PCDHA10: variants seen among roughly 807,000 people sequenced by gnomAD.
PCDHA10 encodes the protein protocadherin alpha-10.
Under a neutral mutation model 61.2 loss-of-function variants are expected in PCDHA10, and 45 were observed. That is an observed-to-expected ratio of 0.74 (90% CI 0.58 to 0.94). The LOEUF is 0.94. PCDHA10 is among the 40% of genes least tolerant of loss of function. The probability of loss-of-function intolerance (pLI) is 0.00; values close to 1 mark genes in which losing one functional copy is unlikely to be tolerated. For synonymous variants in PCDHA10, 602 were observed against 548.8 expected (o/e 1.10, Z -1.35); for missense variants, 1,278 against 1,236.2 (o/e 1.03, Z -0.51).
chr5:140,921,581 T>C (rs1199851100), intron 1 of PCDHA10, among the ~76,000 whole-genome samples: 1 of 152,210 alleles, frequency 6.6e-6, no homozygotes, highest in Non-Finnish European at 1.5e-5. Flanking sequence ...GAGCTCATAC[T>C]ATATTATGGT....
At chr5:140,911,592 A>G (rs1255304289) in intron 1 of PCDHA10, among the ~76,000 whole-genome samples, 1 of 152,212 alleles carries the variant, frequency 6.6e-6, no homozygotes, top group Non-Finnish European at 1.5e-5. Flanking sequence ...GGAGGAACCA[A>G]CCAACTTCAT....
intron 1 of PCDHA10, among the ~76,000 whole-genome samples, chr5:140,912,343 A>ATT (rs35252606): frequency 2.1e-4 from 30 of 143,908 alleles, no homozygotes; most frequent in African/African-American, 6.1e-4. Context: ...TACACTAAGT[A>ATT]TTTTTTTTTT....
chr5:140,967,747 A>C, intron 1 of PCDHA10: 1 of 1,614,160 alleles, frequency 6.2e-7, no homozygotes, highest in Non-Finnish European at 8.5e-7. Context: ...ATTATGAGGA[A>C]GCCTCCTCCT....
intron 1 of PCDHA10, among the ~76,000 whole-genome samples, chr5:140,947,593 T>C (rs2094149533): frequency 1.3e-5 from 2 of 151,712 alleles, no homozygotes; most frequent in African/African-American, 2.4e-5. Context: ...TAGATCAATT[T>C]AGGGAAGATT....
At chr5:140,881,507 C>A in intron 1 of PCDHA10, 1 of 231,112 alleles carries the variant, frequency 4.3e-6, no homozygotes, top group Non-Finnish European at 7.1e-6. Context: ...CACACACTCA[C>A]ATACAAAATC....
Position 140,932,319 on chromosome 5 carries a change from G to A in PCDHA10, c.2389-46630G>A, listed in dbSNP as rs60286116. Among the ~76,000 whole-genome samples the A allele has an allele frequency of 3.3e-3, 499 of 151,902 alleles. 2 individuals are homozygous for A. The highest frequency in any genetic ancestry group is 0.012 in the African/African-American group (480 of 41,512). ...TTTTTAAAGGTATAAATATATTAATGTAGCAAAAATGCATGAAACACTTAC... is the reference window on the plus strand; with the variant it reads ...TTTTTAAAGGTATAAATATATTAATATAGCAAAAATGCATGAAACACTTAC... On this transcript the variant is annotated intron_variant, in intron 1 of 3. Transcript: ENST00000307360.
chr5:140,860,067 T>C (rs2150484600), intron 1 of PCDHA10: 1 of 151,674 alleles, frequency 6.6e-6, no homozygotes, highest in African/African-American at 2.4e-5. Flanking sequence ...GGTGGGAGGA[T>C]GGTTTGAGGC....
At chr5:140,907,071 C>T (rs1220660624) in intron 1 of PCDHA10, among the ~76,000 whole-genome samples, 1 of 152,156 alleles carries the variant, frequency 6.6e-6, no homozygotes, top group African/African-American at 2.4e-5. Flanking sequence ...TAGTGGGTCA[C>T]TAGGGGTGAT....
rs550275293 is a variant in PCDHA10, at chr5:140,857,559, C to G, written c.1511C>G (p.Ser504Trp). The G allele has an allele frequency of 2.5e-6, 4 of 1,596,876 alleles. No individual in the cohort carries two copies. Among genetic ancestry groups the G allele is most frequent in the Non-Finnish European group, 3.4e-6 (4 of 1,167,698 alleles). ...VERRLGERSL[S>W]SYVSVHAESG... Reference sequence around the variant, plus strand: ...CGGCGGTTGGGCGAGCGCTCGCTGTCGAGCTACGTGTCGGTGCACGCGGAG... The same window carrying G: ...CGGCGGTTGGGCGAGCGCTCGCTGTGGAGCTACGTGTCGGTGCACGCGGAG... Residue 504 changes from serine (S) to tryptophan (W), a missense_variant, in exon 1 of 4, where the codon TCG (serine) becomes TGG (tryptophan). Transcript: ENST00000307360.
intron 1 of PCDHA10, chr5:140,876,310 G>A: frequency 6.2e-7 from 1 of 1,613,982 alleles, no homozygotes. Flanking sequence ...AATTTCCTAT[G>A]GGATCAAAAT....
At chr5:140,861,307 G>T in intron 1 of PCDHA10, 2 of 192,584 alleles carry the variant, frequency 1.0e-5, no homozygotes, top group South Asian at 9.6e-5. Flanking sequence ...AAGCGGGAAA[G>T]GACCAGTTCC....
At chr5:140,982,711 A>T (rs370595783) in intron 3 of PCDHA10, 148 bp downstream of exon 3, 2 of 1,370,268 alleles carry the variant, frequency 1.5e-6, no homozygotes, top group African/African-American at 2.9e-5. Context: ...TTCCTTACAT[A>T]TATGATTATT....
At chr5:140,955,965 T>C (rs2095242955) in intron 1 of PCDHA10, among the ~76,000 whole-genome samples, 1 of 152,204 alleles carries the variant, frequency 6.6e-6, no homozygotes, top group Admixed American at 6.5e-5. Context: ...TGTTTGTGCA[T>C]AGGAATGCTA....
chr5:140,903,550 C>T lies in PCDHA10; in HGVS notation c.2388+45114C>T, dbSNP rs139225982. 2.6e-3 allele frequency among the ~76,000 whole-genome samples: 396 copies of T among 152,250 alleles called. 2 individuals carry two copies. The highest frequency in any genetic ancestry group is 9.3e-3 in the African/African-American group (385 of 41,564). The stretch of plus-strand genomic sequence containing the variant: ...CTTTAAACTAGAGCAAGAAACTTTT[C>T]TAATAAGTGGAATTGGGAGCTGTCT... On this transcript the variant is annotated intron_variant, in intron 1 of 3. Transcript: ENST00000307360.
At chr5:140,864,390 A>G (rs1314124193) in intron 1 of PCDHA10, 1 of 152,190 alleles carries the variant, frequency 6.6e-6, no homozygotes. Flanking sequence ...ATCTCTCACA[A>G]ATGGTGATGA....
At position 140,857,366 on chromosome 5, in the gene PCDHA10, G is replaced by T; in HGVS notation, c.1318G>T (p.Val440Leu). ...GSPPLWATAS[V>L]SVEVADVNDN... is the part of the protein sequence containing the mutation. Reference sequence around the variant, plus strand: ...GCCTCCGCTGTGGGCCACGGCCAGCGTGTCTGTGGAGGTGGCCGACGTGAA... The same window carrying T: ...GCCTCCGCTGTGGGCCACGGCCAGCTTGTCTGTGGAGGTGGCCGACGTGAA... The change falls in exon 1 of 4, where the codon GTG (valine) becomes TTG (leucine). Residue 440 changes from valine to leucine, a missense_variant. Transcript: ENST00000307360. The T allele has an allele frequency of 6.3e-7, 1 of 1,598,350 alleles. No individual in the cohort carries two copies.
At chr5:140,880,084 T>TAGTA (rs2058231039) in intron 1 of PCDHA10, among the ~76,000 whole-genome samples, 1 of 152,208 alleles carries the variant, frequency 6.6e-6, no homozygotes. Context: ...CAACCTATTA[T>TAGTA]AGTAGGCTTA....
At chr5:140,958,098 G>A (rs1170347696) in intron 1 of PCDHA10, among the ~76,000 whole-genome samples, 4 of 152,088 alleles carry the variant, frequency 2.6e-5, no homozygotes, top group South Asian at 2.1e-4. Context: ...ACAATAGTGT[G>A]TAGAGTGTGG....
intron 1 of PCDHA10, chr5:140,883,974 G>C: frequency 6.2e-7 from 1 of 1,612,962 alleles, no homozygotes; most frequent in Non-Finnish European, 8.5e-7. Context: ...CTGACGCCCG[G>C]GGCTGGCAGC....
Sources: allele counts gnomAD v4.1 joint callset (sites outside exome capture counted in the v4.1 genomes callset), GRCh38; gene constraint gnomAD v4.1.1; transcripts MANE v1.5; gene names NCBI Gene and HGNC (gene_info 2026-07-23, HGNC 2026-07-21).